Variants in AUTS2 observed in about 807,000 individuals in gnomAD.
AUTS2 encodes autism susceptibility gene 2 protein.
AUTS2 carries 17 observed loss-of-function variants against 112.4 expected under a neutral mutation model. That is an observed-to-expected ratio of 0.15 (90% CI 0.10 to 0.23). AUTS2 has a LOEUF of 0.23. Ranked by LOEUF, AUTS2 falls within the 10% of genes least tolerant of loss-of-function variation. The pLI is 1.00. For missense variants in AUTS2, 1,510 were observed against 1,701.6 expected, an observed-to-expected ratio of 0.89 and a Z score of 1.98; for synonymous variants, 751 against 702.7, an observed-to-expected ratio of 1.07 and a Z score of -1.09.
intron 6 of AUTS2, among the ~76,000 whole-genome samples, chr7:70,724,443 CTTTTTTTT>C: frequency 9.9e-6 from 1 of 101,376 alleles, no homozygotes; most frequent in African/African-American, 3.4e-5. Context: ...TTCATCCTGA[CTTTTTTTT>C]TTTTTTTTTT....
At chr7:70,733,038 A>G in intron 6 of AUTS2, among the ~76,000 whole-genome samples, 1 of 152,178 alleles carries the variant, frequency 6.6e-6, no homozygotes, top group East Asian at 1.9e-4. Context: ...CAGTTTGTTA[A>G]TAAAACTCAG....
Position 69,824,364 on chromosome 7 carries a change from G to A in AUTS2, c.310-74922G>A, listed in dbSNP as rs560306719. 1.5e-4 allele frequency among the ~76,000 whole-genome samples: 23 copies of A among 151,710 alleles called. No homozygotes were observed. The South Asian group carries it at 4.6e-3, about 30-fold the overall frequency. ...GCGGAGCTTGCAGTGAGCCGAGATCGCGCCACCGCACTCCAGCCTGGGTGA... is the reference window on the plus strand; with the variant it reads ...GCGGAGCTTGCAGTGAGCCGAGATCACGCCACCGCACTCCAGCCTGGGTGA... On this transcript the variant is annotated intron_variant, in intron 1 of 18. Coordinates refer to ENST00000342771, the MANE Select transcript of AUTS2 (RefSeq NM_015570.4).
intron 6 of AUTS2, among the ~76,000 whole-genome samples, chr7:70,722,828 G>C (rs984162744): frequency 6.6e-6 from 1 of 152,162 alleles, no homozygotes; most frequent in African/African-American, 2.4e-5. Context: ...GATTCAAACT[G>C]TTGAGTATTT....
At chr7:70,025,889 C>T (rs1207541440) in intron 2 of AUTS2, among the ~76,000 whole-genome samples, 1 of 150,604 alleles carries the variant, frequency 6.6e-6, no homozygotes, top group Non-Finnish European at 1.5e-5. Context: ...AATTGGAGAT[C>T]TAGGTTGGCA....
At chr7:70,593,056 G>A (rs1563063060) in intron 5 of AUTS2, among the ~76,000 whole-genome samples, 1 of 150,782 alleles carries the variant, frequency 6.6e-6, no homozygotes, top group Non-Finnish European at 1.5e-5. Flanking sequence ...TCACTATGTT[G>A]CACAGGCTGG....
At chr7:70,606,151 C>T (rs771940615) in intron 5 of AUTS2, among the ~76,000 whole-genome samples, 15 of 152,332 alleles carry the variant, frequency 9.8e-5, no homozygotes, top group Middle Eastern at 3.4e-3. Flanking sequence ...CTTTCACACA[C>T]GCTTTTTGGG....
chr7:70,372,403 A>G (rs1439255687), intron 4 of AUTS2, among the ~76,000 whole-genome samples: 1 of 152,230 alleles, frequency 6.6e-6, no homozygotes, highest in East Asian at 1.9e-4. Context: ...GCAGTAATCC[A>G]GGCCTTCTCT....
chr7:70,671,453 C>A (rs943175797), intron 5 of AUTS2, among the ~76,000 whole-genome samples: 1 of 152,190 alleles, frequency 6.6e-6, no homozygotes. Context: ...AATAGAATTC[C>A]TTATTTCAAA....
Position 70,645,139 on chromosome 7 carries a change from A to G in AUTS2, c.691-53430A>G, listed in dbSNP as rs190159073. Among the ~76,000 whole-genome samples the G allele has an allele frequency of 2.0e-5, 3 of 152,264 alleles. No individual in the cohort carries two copies. In the East Asian group the frequency reaches 5.8e-4, roughly 29 times the overall value. ...TCAGGCTCACAAGCGTTCTTCACCC[A>G]AAGGGAGGGAGATTAATTGACTTCT... On this transcript the variant is annotated intron_variant, in intron 5 of 18. Coordinates refer to ENST00000342771, the MANE Select transcript of AUTS2 (RefSeq NM_015570.4).
At chr7:70,251,572 CT>C (rs1390714191) in intron 4 of AUTS2, among the ~76,000 whole-genome samples, 1 of 152,156 alleles carries the variant, frequency 6.6e-6, no homozygotes, top group Non-Finnish European at 1.5e-5. Flanking sequence ...CTCATTCTCT[CT>C]TTCCCTTCCT....
chr7:69,720,850 A>G (rs1798894228), intron 1 of AUTS2, among the ~76,000 whole-genome samples: 1 of 152,202 alleles, frequency 6.6e-6, no homozygotes. Context: ...AGAAATCACT[A>G]CGAAATATTT....
intron 13 of AUTS2, chr7:70,776,858 G>T: frequency 1.8e-6 from 1 of 540,904 alleles, no homozygotes; most frequent in Non-Finnish European, 3.3e-6. Flanking sequence ...GGTAACCGGG[G>T]AGGCCCTTGT....
chr7:70,695,898 G>A (rs1035841284), intron 5 of AUTS2, among the ~76,000 whole-genome samples: 5 of 152,198 alleles, frequency 3.3e-5, no homozygotes, highest in Non-Finnish European at 7.3e-5. Context: ...ACCGAGCGAG[G>A]GGATGAAAGG....
At chr7:69,883,364 A>G (rs1794140145) in intron 1 of AUTS2, among the ~76,000 whole-genome samples, 1 of 150,936 alleles carries the variant, frequency 6.6e-6, no homozygotes, top group Non-Finnish European at 1.5e-5. Context: ...TATCCATAGT[A>G]CTCATTGGTG....
At chr7:69,853,067 T>G (rs1792560681) in intron 1 of AUTS2, among the ~76,000 whole-genome samples, 2 of 152,200 alleles carry the variant, frequency 1.3e-5, no homozygotes, top group African/African-American at 4.8e-5. Context: ...ATGGTCTATG[T>G]TATTTGTTCT....
chr7:70,781,988 ATTGCTTCGGTTCATTAT>A, intron 15 of AUTS2: 1 of 548,346 alleles, frequency 1.8e-6, no homozygotes, highest in South Asian at 2.5e-5. Flanking sequence ...AGGGATTCAC[ATTGCTTCGGTTCATTAT>A]TTGCTTCTAT....
intron 1 of AUTS2, among the ~76,000 whole-genome samples, chr7:69,813,205 G>A (rs1790620138): frequency 6.6e-6 from 1 of 152,084 alleles, no homozygotes; most frequent in Admixed American, 6.5e-5. Context: ...TTGCATTATT[G>A]TTCTCTTAGC....
At chr7:70,468,522 A>T (rs2115803950) in intron 5 of AUTS2, among the ~76,000 whole-genome samples, 1 of 152,296 alleles carries the variant, frequency 6.6e-6, no homozygotes, top group Non-Finnish European at 1.5e-5. Flanking sequence ...ATGCTGAGAG[A>T]TCTTGTAAAT....
chr7:70,020,292 C>T (rs1237591093), intron 2 of AUTS2, among the ~76,000 whole-genome samples: 3 of 152,006 alleles, frequency 2.0e-5, no homozygotes, highest in Non-Finnish European at 4.4e-5. Context: ...TTGACCCCAC[C>T]CCCCACTCTC....
Sources: gnomAD v4.1 joint callset for allele counts (sites outside exome capture counted in the v4.1 genomes callset) on GRCh38, gnomAD v4.1.1 for gene constraint, MANE v1.5 for transcripts, NCBI Gene and HGNC (gene_info 2026-07-23, HGNC 2026-07-21) for gene names.